ITPR2: variants seen among roughly 807,000 people sequenced by gnomAD.
The protein encoded by ITPR2 is inositol 1,4,5-trisphosphate-gated calcium channel ITPR2.
In ITPR2, 207 loss-of-function variants were observed where a neutral mutation model predicts 317.1. The ratio of observed to expected loss-of-function variants is 0.65; its 90% confidence interval spans 0.58 to 0.73. The LOEUF is 0.73. Among genes scored for constraint, ITPR2 ranks in the 30% least tolerant of loss-of-function variants. ITPR2 has a pLI of 0.00. For missense variants in ITPR2, 2,613 were observed against 3,284.0 expected (o/e 0.80, Z 4.99); for synonymous variants, 1,156 against 1,149.1 (o/e 1.01, Z -0.12).
chr12:26,375,442 T>A (rs1044129954), intron 55 of ITPR2, among the ~76,000 whole-genome samples: 1 of 152,234 alleles, frequency 6.6e-6, no homozygotes, highest in Non-Finnish European at 1.5e-5. Context: ...CAATGTCAGA[T>A]CACATGATAT....
intron 34 of ITPR2, among the ~76,000 whole-genome samples, chr12:26,564,209 A>G (rs997264981): frequency 1.3e-5 from 2 of 152,252 alleles, no homozygotes; most frequent in Non-Finnish European, 2.9e-5. Context: ...CAAAAAGCAG[A>G]ATAAAACAGA....
At chr12:26,615,842 T>A (rs1946361529) in intron 26 of ITPR2, among the ~76,000 whole-genome samples, 3 of 152,174 alleles carry the variant, frequency 2.0e-5, no homozygotes, top group Admixed American at 2.0e-4. Context: ...CTCTCACTTA[T>A]TGATATGTCA....
At chr12:26,775,959 T>TATATATATATATATATATACACA (rs1263788006) in intron 2 of ITPR2, among the ~76,000 whole-genome samples, 12 of 145,068 alleles carry the variant, frequency 8.3e-5, no homozygotes, top group Non-Finnish European at 1.2e-4. Context: ...TATATGTATA[T>TATATATATATATATATATACACA]CCTATTAGTT....
intron 26 of ITPR2, among the ~76,000 whole-genome samples, chr12:26,613,063 C>T (rs1946306634): frequency 6.6e-6 from 1 of 152,020 alleles, no homozygotes; most frequent in Non-Finnish European, 1.5e-5. Flanking sequence ...TGTGTTCGTT[C>T]GTTGAGGGCA....
chr12:26,421,039 ATT>A (rs1940876541), intron 49 of ITPR2, among the ~76,000 whole-genome samples: 1 of 152,194 alleles, frequency 6.6e-6, no homozygotes, highest in Admixed American at 6.6e-5. Flanking sequence ...TTTAAGACAC[ATT>A]GTTTATATGA....
At chr12:26,563,824 T>C (rs926676177) in intron 34 of ITPR2, among the ~76,000 whole-genome samples, 1 of 152,160 alleles carries the variant, frequency 6.6e-6, no homozygotes, top group Non-Finnish European at 1.5e-5. Flanking sequence ...ACAAGAATTC[T>C]AGGAAGGAAA....
At chr12:26,462,901 AC>A (rs1202543245) in intron 45 of ITPR2, among the ~76,000 whole-genome samples, 1 of 152,026 alleles carries the variant, frequency 6.6e-6, no homozygotes, top group African/African-American at 2.4e-5. Flanking sequence ...CAAACTCCTG[AC>A]CTCAAATGAT....
intron 9 of ITPR2, among the ~76,000 whole-genome samples, chr12:26,709,705 G>A (rs912204422): frequency 2.6e-5 from 4 of 152,136 alleles, no homozygotes; most frequent in African/African-American, 9.7e-5. Context: ...TAACATAAGA[G>A]AATTTTAATC....
At chr12:26,457,652 T>G (rs1257546284) in intron 45 of ITPR2, among the ~76,000 whole-genome samples, 1 of 152,168 alleles carries the variant, frequency 6.6e-6, no homozygotes, top group Non-Finnish European at 1.5e-5. Context: ...GGGCAGATTC[T>G]GTAACATACG....
rs553337011 is a variant in ITPR2 at position 26,594,830 on chromosome 12, C to T, written c.4380+635G>A. ...TTATATTTCTTCACTCATTCATTTA[C>T]TCAATATTAACAGAGCAAAAACATA... On this transcript the variant is annotated intron_variant, in intron 32 of 56. Coordinates refer to ENST00000381340, the MANE Select transcript of ITPR2 (RefSeq NM_002223.4). Among the ~76,000 whole-genome samples, 8 of 152,044 alleles carry T rather than the reference C, an allele frequency of 5.3e-5. No individual in the cohort carries two copies. In the East Asian group the frequency reaches 1.3e-3, roughly 26 times the overall value.
chr12:26,400,095 G>T, intron 53 of ITPR2, 33 bp downstream of exon 53: 1 of 1,568,046 alleles, frequency 6.4e-7, no homozygotes, highest in Non-Finnish European at 8.6e-7. Flanking sequence ...AAAAAGATGT[G>T]CTCCTTGAAA....
chr12:26,561,755 C>A lies in ITPR2; in HGVS notation c.4821+7G>T. 2 of 1,549,932 alleles carry A rather than the reference C, an allele frequency of 1.3e-6. No homozygotes were observed. Among genetic ancestry groups the A allele is most frequent in the Middle Eastern group, 1.7e-4 (1 of 5,912 alleles). On this transcript the variant is annotated splice_region_variant and intron_variant, in intron 35 of 56. Transcript: ENST00000381340. ...AAATATTAATGCTATTTCACGCTTT[C>A]ATGTACCTGTAACTTTTCAATAATA...
chr12:26,722,807 C>T (rs190337365), intron 4 of ITPR2, among the ~76,000 whole-genome samples: 24 of 152,190 alleles, frequency 1.6e-4, no homozygotes, highest in African/African-American at 5.1e-4. Context: ...GGGACCCCTC[C>T]GAGTGATTTT....
At chr12:26,604,920 T>C (rs1383727861) in intron 26 of ITPR2, among the ~76,000 whole-genome samples, 1 of 151,678 alleles carries the variant, frequency 6.6e-6, no homozygotes, top group Non-Finnish European at 1.5e-5. Context: ...CTGGCCCATC[T>C]CTACTAAAAA....
chr12:26,724,318 T>C (rs776004797), intron 4 of ITPR2, among the ~76,000 whole-genome samples: 1 of 152,176 alleles, frequency 6.6e-6, no homozygotes. Flanking sequence ...AATGAAAAGC[T>C]AAGCTCCATA....
intron 2 of ITPR2, among the ~76,000 whole-genome samples, chr12:26,756,212 T>C (rs1949517092): frequency 6.6e-6 from 1 of 152,240 alleles, no homozygotes; most frequent in Non-Finnish European, 1.5e-5. Context: ...ACATCTGTTA[T>C]TAGATTATAG....
chr12:26,641,305 G>A (rs1001773406), intron 21 of ITPR2, among the ~76,000 whole-genome samples: 6 of 151,784 alleles, frequency 4.0e-5, no homozygotes, highest in African/African-American at 1.2e-4. Flanking sequence ...AAACTCTTTC[G>A]TAGATATGTA....
rs1347692334 is a variant in ITPR2 at position 26,831,271 on chromosome 12, T to C, written c.92+1419A>G. On this transcript the variant is annotated intron_variant, in intron 1 of 56. Coordinates refer to ENST00000381340, the MANE Select transcript of ITPR2 (RefSeq NM_002223.4). The surrounding 1 kb of genome is among the most constrained non-coding windows in gnomAD (Gnocchi z 4.9). The stretch of plus-strand genomic sequence containing the variant: ...TAGTTGCATAAGAAAGTAACACTGA[T>C]GGAAAAGGGATTGAATTAAATCTAC... Among the ~76,000 whole-genome samples the C allele has an allele frequency of 6.6e-6, 1 of 152,202 alleles. No individual in the cohort carries two copies. Among genetic ancestry groups the C allele is most frequent in the Non-Finnish European group, 1.5e-5 (1 of 68,044 alleles).
chr12:26,649,639 C>T (rs1192349635), intron 21 of ITPR2, among the ~76,000 whole-genome samples: 8 of 152,178 alleles, frequency 5.3e-5, no homozygotes, highest in African/African-American at 1.4e-4. Context: ...ATATCAATCC[C>T]TTCTCAAATC....
Sources: allele counts gnomAD v4.1 joint callset (sites outside exome capture counted in the v4.1 genomes callset), GRCh38; gene constraint gnomAD v4.1.1; non-coding constraint Gnocchi (gnomAD v3.1); transcripts MANE v1.5; gene names NCBI Gene and HGNC (gene_info 2026-07-23, HGNC 2026-07-21).